The following TRANK1 variants were observed in gnomAD, a reference collection of about 807,000 sequenced individuals.
TRANK1 encodes tetratricopeptide repeat and ankyrin repeat containing 1, also known as TPR and ankyrin repeat-containing protein 1.
A neutral mutation model predicts 266.0 loss-of-function variants in TRANK1; 198 were observed. The observed-to-expected ratio is 0.74, with a 90% CI of 0.66 to 0.84. TRANK1 has a LOEUF of 0.84. Among genes scored for constraint, TRANK1 ranks in the 40% least tolerant of loss-of-function variants. The probability of loss-of-function intolerance (pLI) is 0.00; values close to 1 mark genes in which losing one functional copy is unlikely to be tolerated. For missense variants in TRANK1, 3,326 were observed against 3,634.6 expected (o/e 0.92, Z 2.18); for synonymous variants, 1,396 against 1,384.1 (o/e 1.01, Z -0.19).
In TRANK1 at chr3:36,880,010, G is replaced by A. The variant is rs1265226993; in HGVS notation, c.908-5714C>T. On this transcript the variant is annotated intron_variant, in intron 8 of 23. Coordinates refer to ENST00000645898, the MANE Select transcript of TRANK1 (RefSeq NM_001329998.2). ...AATATATGTAAACATGCAAATATATGTAAACATGCAAATATATGTAAACAT... is the reference window on the plus strand; with the variant it reads ...AATATATGTAAACATGCAAATATATATAAACATGCAAATATATGTAAACAT... 4.0e-3 allele frequency among the ~76,000 whole-genome samples: 105 copies of A among 26,570 alleles called. 29 individuals carry two copies. The highest frequency in any genetic ancestry group is 5.5e-3 in the Non-Finnish European group (86 of 15,502). 17.4% of individuals were successfully genotyped at this position (26,570 alleles called of 152,430 possible).
chr3:36,852,815 G>A (rs1435928927), intron 13 of TRANK1, among the ~76,000 whole-genome samples: 2 of 147,522 alleles, frequency 1.4e-5, no homozygotes, highest in Non-Finnish European at 3.0e-5. Context: ...AGAGCTGTTA[G>A]AATGCTCTCA....
chr3:36,877,827 A>G (rs1224699367), intron 8 of TRANK1, among the ~76,000 whole-genome samples: 1 of 152,236 alleles, frequency 6.6e-6, no homozygotes, highest in Non-Finnish European at 1.5e-5. Context: ...TTTTTAAAGG[A>G]ATACAAAACT....
chr3:36,861,708 T>TTTC (rs1419675687), intron 10 of TRANK1, among the ~76,000 whole-genome samples: 2 of 148,958 alleles, frequency 1.3e-5, no homozygotes, highest in African/African-American at 5.0e-5. Flanking sequence ...AGAAAACTTT[T>TTTC]TTTTTTTTTT....
At chr3:36,882,670 T>C (rs1053978192) in intron 8 of TRANK1, among the ~76,000 whole-genome samples, 17 of 151,926 alleles carry the variant, frequency 1.1e-4, no homozygotes, top group Non-Finnish European at 2.1e-4. Flanking sequence ...GAAAACCAAA[T>C]TGCATGACAA....
At chr3:36,864,991 T>C (rs762798882) in intron 9 of TRANK1, among the ~76,000 whole-genome samples, 6 of 151,784 alleles carry the variant, frequency 4.0e-5, no homozygotes, top group African/African-American at 7.3e-5. Flanking sequence ...AAATAAATGC[T>C]TGTTGGTTTT....
At position 36,847,365 on chromosome 3, in the gene TRANK1, G is replaced by T. The variant is rs572404186; in HGVS notation, c.4888-19C>A. The T allele has an allele frequency of 5.6e-6, 9 of 1,612,388 alleles. No homozygotes were observed. In the African/African-American group the frequency reaches 6.7e-5, roughly 12 times the overall value. ...TATAAGCCTGAACAACAACAAAAAA[G>T]TGAAGACCAACAGAATATGCTTTTG... is the stretch of plus-strand genomic sequence containing the variant. On this transcript the variant is annotated intron_variant, in intron 15 of 23. Coordinates refer to ENST00000645898, the MANE Select transcript of TRANK1 (RefSeq NM_001329998.2).
intron 9 of TRANK1, among the ~76,000 whole-genome samples, chr3:36,871,193 G>C (rs2079303870): frequency 6.6e-6 from 1 of 152,012 alleles, no homozygotes; most frequent in African/African-American, 2.4e-5. Context: ...ATCAAGACCA[G>C]CCTGGCCAAC....
chr3:36,908,256 G>T, intron 2 of TRANK1, 67 bp downstream of exon 2: 1 of 1,229,814 alleles, frequency 8.1e-7, no homozygotes. Context: ...GAAATGAAAA[G>T]AAATCATAAG....
At position 36,829,559 on chromosome 3, in the gene TRANK1, C is replaced by T. The variant is rs372580285; in HGVS notation, c.8809+5G>A. 2.6e-5 allele frequency: 42 copies of T among 1,613,822 alleles called. No individual in the cohort carries two copies. Among genetic ancestry groups the T allele is most frequent in the African/African-American group, 4.0e-5 (3 of 74,924 alleles). On this transcript the variant is annotated splice_donor_5th_base_variant and intron_variant, in intron 23 of 23. Transcript: ENST00000645898. ...TTACCTGTCCCCACAATCAAGACTC[C>T]TTACCTTCCTTCTTTAAGCGGGTCT...
At chr3:36,836,437 G>A (rs192045235) in intron 20 of TRANK1, among the ~76,000 whole-genome samples, 87 of 152,210 alleles carry the variant, frequency 5.7e-4, no homozygotes, top group Non-Finnish European at 1.0e-3. Flanking sequence ...AGCAAGGGAC[G>A]GAAAAGGTAA....
chr3:36,852,775 TAAAAA>T (rs761417309), intron 13 of TRANK1, among the ~76,000 whole-genome samples: 41,946 of 119,650 alleles, frequency 0.35, 6,424 homozygotes, highest in African/African-American at 0.39. Flanking sequence ...CCATCTCAAT[TAAAAA>T]AAAAAAAAAA....
intron 4 of TRANK1, 115 bp from the exon 5 acceptor site, chr3:36,895,873 A>G: frequency 1.6e-6 from 1 of 619,496 alleles, no homozygotes; most frequent in Non-Finnish European, 2.7e-6. Flanking sequence ...AAGATACCCT[A>G]AAGAAAGGCA....
At position 36,852,431 on chromosome 3, in the gene TRANK1, T is replaced by G. The variant is rs2078997095; in HGVS notation, c.4550-86A>C. ...TTTGGGGTGGGGGACATGTTTTTCC[T>G]GAGAAGCAGGTTTGGCCCCTACAGT... On this transcript the variant is annotated intron_variant, in intron 13 of 23. Coordinates refer to ENST00000645898, the MANE Select transcript of TRANK1 (RefSeq NM_001329998.2). 10 of 1,304,366 alleles carry G rather than the reference T, an allele frequency of 7.7e-6. No homozygotes were observed. In the South Asian group the frequency reaches 1.4e-4, roughly 18 times the overall value. 80.8% of individuals were successfully genotyped at this position (1,304,366 alleles called of 1,614,324 possible).
chr3:36,934,715 A>G (rs768993364), intron 1 of TRANK1, among the ~76,000 whole-genome samples: 1 of 152,202 alleles, frequency 6.6e-6, no homozygotes, highest in Non-Finnish European at 1.5e-5. Context: ...CCCAGTTTAC[A>G]TGACAACAAA....
intron 18 of TRANK1, among the ~76,000 whole-genome samples, chr3:36,839,168 C>T (rs1332940519): frequency 6.6e-6 from 1 of 152,084 alleles, no homozygotes; most frequent in Non-Finnish European, 1.5e-5. Context: ...CTGGAGTACA[C>T]GTACTGGAGG....
Position 36,894,910 on chromosome 3 carries a change from T to C in TRANK1, c.552+730A>G, listed in dbSNP as rs541979684. Among the ~76,000 whole-genome samples the C allele has an allele frequency of 3.9e-5, 6 of 152,338 alleles. No individual in the cohort carries two copies. In the East Asian group the frequency reaches 9.6e-4, roughly 24 times the overall value. On this transcript the variant is annotated intron_variant, in intron 5 of 23. Transcript: ENST00000645898. ...ATCACCAATGACGACTACTATTCAC[T>C]GGGCACTTAGAATATGCCAGGTATT...
chr3:36,839,181 G>A (rs759358221), intron 18 of TRANK1, among the ~76,000 whole-genome samples: 21 of 152,228 alleles, frequency 1.4e-4, no homozygotes, highest in Non-Finnish European at 2.6e-4. Context: ...ACTGGAGGTA[G>A]AAATGGGGAT....
Position 36,831,592 on chromosome 3 carries a change from T to C in TRANK1, c.7991A>G (p.Tyr2664Cys), listed in dbSNP as rs750365684. Residue 2664 changes from tyrosine to cysteine, a missense_variant, in exon 22 of 24, where the codon TAT becomes TGT. Coordinates refer to ENST00000645898, the MANE Select transcript of TRANK1 (RefSeq NM_001329998.2). The surrounding 1 kb of genome is among the most constrained non-coding windows in gnomAD (Gnocchi z 5.0). Reference sequence around the variant, plus strand: ...GCGGTTTAGTCTGACCTCCTCATAATAGAGGCCACGGACTATGGACCCTTT... The same window carrying C: ...GCGGTTTAGTCTGACCTCCTCATAACAGAGGCCACGGACTATGGACCCTTT... ...HTKGSIVRGL[Y>C]YEEVRLNRLL... 16 of 1,613,672 alleles carry C rather than the reference T, an allele frequency of 9.9e-6. No individual in the cohort carries two copies. Among genetic ancestry groups the C allele is most frequent in the Middle Eastern group, 1.6e-4 (1 of 6,084 alleles).
In TRANK1 at chr3:36,880,045, TGTAAACATACAAATATATGTAAACATGC is replaced by T. The variant is rs1166423184; in HGVS notation, c.908-5777_908-5750del. 1.2e-3 allele frequency: 80 copies of T among 69,064 alleles called. 24 individuals carry two copies. Among genetic ancestry groups the T allele is most frequent in the Non-Finnish European group, 2.1e-3 (70 of 33,518 alleles). 4.3% of individuals were successfully genotyped at this position (69,064 alleles called of 1,614,324 possible). Reference sequence around the variant, plus strand: ...AAATATATGTAAACATGCAAATATATGTAAACATACAAATATATGTAAACATGCAAATATATATAAACATATATAAATA... The same window carrying T: ...AAATATATGTAAACATGCAAATATATAAATATATATAAACATATATAAATA... On this transcript the variant is annotated intron_variant, in intron 8 of 23. Coordinates refer to ENST00000645898, the MANE Select transcript of TRANK1 (RefSeq NM_001329998.2).
Sources: gnomAD v4.1 joint callset for allele counts (sites outside exome capture counted in the v4.1 genomes callset) on GRCh38, gnomAD v4.1.1 for gene constraint, Gnocchi (gnomAD v3.1) non-coding constraint, MANE v1.5 for transcripts, NCBI Gene and HGNC (gene_info 2026-07-23, HGNC 2026-07-21) for gene names.